Variants in CNTN5 observed in about 807,000 individuals in gnomAD.
CNTN5 encodes the protein contactin-5.
In CNTN5, 77 loss-of-function variants were observed where a neutral mutation model predicts 129.1. That is an observed-to-expected ratio of 0.60 (90% confidence interval 0.50 to 0.72). The LOEUF (loss-of-function observed/expected upper bound fraction) is 0.72. Ranked by LOEUF, CNTN5 falls within the 30% of genes least tolerant of loss-of-function variation. The probability of loss-of-function intolerance (pLI) is 0.00; values close to 1 mark genes in which losing one functional copy is unlikely to be tolerated. For missense variants in CNTN5, 1,478 were observed against 1,328.8 expected, an observed-to-expected ratio of 1.11 and a Z score of -1.75; for synonymous variants, 509 against 465.6, an observed-to-expected ratio of 1.09 and a Z score of -1.20.
chr11:99,033,327 G>A lies in CNTN5; in HGVS notation c.-210+12057G>A, dbSNP rs929440055. Among the ~76,000 whole-genome samples, 13 of 152,124 alleles carry A rather than the reference G, an allele frequency of 8.5e-5. No homozygotes were observed. The South Asian group carries it at 1.0e-3, about 12-fold the overall frequency. Reference sequence around the variant, plus strand: ...AAGAAAGTCATTGGTAGCTTGATGGGAGTGGCATTGAATCTGTAAATTACC... The same window carrying A: ...AAGAAAGTCATTGGTAGCTTGATGGAAGTGGCATTGAATCTGTAAATTACC... On this transcript the variant is annotated intron_variant, in intron 1 of 24. Coordinates refer to ENST00000524871, the MANE Select transcript of CNTN5 (RefSeq NM_014361.4).
chr11:99,206,627 C>T (rs1314948907), intron 1 of CNTN5, among the ~76,000 whole-genome samples: 1 of 151,160 alleles, frequency 6.6e-6, no homozygotes, highest in African/African-American at 2.4e-5. Flanking sequence ...CTTACTACTA[C>T]CTTAGCTGGA....
At chr11:99,424,183 A>G (rs950035688) in intron 2 of CNTN5, among the ~76,000 whole-genome samples, 1 of 152,238 alleles carries the variant, frequency 6.6e-6, no homozygotes, top group East Asian at 1.9e-4. Flanking sequence ...GGCAACATCA[A>G]TACTCTTGTA....
chr11:100,131,133 G>A (rs940681202), intron 13 of CNTN5, among the ~76,000 whole-genome samples: 2 of 151,994 alleles, frequency 1.3e-5, no homozygotes, highest in Middle Eastern at 3.2e-3. Flanking sequence ...CTTATTTACC[G>A]TTTAAGAGGT....
chr11:99,674,448 T>G (rs529491868), intron 3 of CNTN5, among the ~76,000 whole-genome samples: 1 of 152,288 alleles, frequency 6.6e-6, no homozygotes, highest in African/African-American at 2.4e-5. Context: ...AAGAAGCTCT[T>G]TGCTTTAGTT....
At chr11:99,520,256 A>G (rs1232566091) in intron 2 of CNTN5, among the ~76,000 whole-genome samples, 1 of 152,146 alleles carries the variant, frequency 6.6e-6, no homozygotes, top group Non-Finnish European at 1.5e-5. Context: ...AGCTTAGAAA[A>G]CATCTAACCT....
chr11:99,491,616 G>A (rs750753792), intron 2 of CNTN5, among the ~76,000 whole-genome samples: 14 of 152,000 alleles, frequency 9.2e-5, no homozygotes, highest in Non-Finnish European at 1.8e-4. Flanking sequence ...ATGATTCATC[G>A]AATATACATC....
chr11:99,459,257 A>T (rs1368467062), intron 2 of CNTN5, among the ~76,000 whole-genome samples: 3 of 151,958 alleles, frequency 2.0e-5, no homozygotes, highest in African/African-American at 7.2e-5. Context: ...GAAGGACATA[A>T]AATTGCCCAA....
At chr11:99,579,909 A>C (rs1035415857) in intron 3 of CNTN5, among the ~76,000 whole-genome samples, 10 of 149,772 alleles carry the variant, frequency 6.7e-5, no homozygotes, top group East Asian at 2.0e-4. Flanking sequence ...GTCTTGTGCC[A>C]GTTTTCAAAG....
chr11:99,874,922 C>T (rs1434937977), intron 6 of CNTN5, among the ~76,000 whole-genome samples: 1 of 152,086 alleles, frequency 6.6e-6, no homozygotes, highest in East Asian at 1.9e-4. Context: ...ATAGTCTGTG[C>T]CAGCTTCCTC....
chr11:99,441,542 A>G (rs1943828614), intron 2 of CNTN5, among the ~76,000 whole-genome samples: 9 of 152,174 alleles, frequency 5.9e-5, no homozygotes, highest in Admixed American at 5.9e-4. Flanking sequence ...TGAAACTGCA[A>G]AATTCTCAGC....
chr11:99,424,579 G>C (rs1488194313), intron 2 of CNTN5, among the ~76,000 whole-genome samples: 1 of 152,240 alleles, frequency 6.6e-6, no homozygotes, highest in Non-Finnish European at 1.5e-5. Context: ...GCTGCAGCTG[G>C]GCCAGACGTA....
intron 13 of CNTN5, among the ~76,000 whole-genome samples, chr11:100,161,872 C>CACAAAACAA (rs1191557675): frequency 2.4e-5 from 3 of 127,620 alleles, no homozygotes; most frequent in Non-Finnish European, 5.1e-5. Context: ...CACACACACA[C>CACAAAACAA]AAAACAAAAA....
intron 1 of CNTN5, among the ~76,000 whole-genome samples, chr11:99,247,227 G>C (rs959733768): frequency 2.4e-4 from 36 of 152,084 alleles, no homozygotes; most frequent in Admixed American, 1.0e-3. Flanking sequence ...TAGAAATTAA[G>C]ATACACATTT....
intron 2 of CNTN5, among the ~76,000 whole-genome samples, chr11:99,352,277 A>T (rs542131357): frequency 3.3e-4 from 50 of 152,332 alleles, no homozygotes; most frequent in African/African-American, 1.2e-3. Context: ...ACTAAATGTT[A>T]TCTATTTAGG....
intron 6 of CNTN5, among the ~76,000 whole-genome samples, chr11:99,889,964 G>T (rs939277276): frequency 6.6e-6 from 1 of 151,968 alleles, no homozygotes; most frequent in East Asian, 1.9e-4. Context: ...TCTTCACCTC[G>T]ATAAGATCAC....
intron 1 of CNTN5, among the ~76,000 whole-genome samples, chr11:99,265,020 C>A (rs1432506772): frequency 6.6e-6 from 1 of 151,736 alleles, no homozygotes; most frequent in East Asian, 1.9e-4. Context: ...AGCACAATCT[C>A]CCTGTTAAAT....
intron 3 of CNTN5, 48 bp from the exon 4 acceptor site, chr11:99,819,496 A>C: frequency 6.7e-7 from 1 of 1,497,382 alleles, no homozygotes; most frequent in South Asian, 1.2e-5. Flanking sequence ...GAAAAAAATA[A>C]ACTAGTTTCC....
chr11:99,530,068 C>T (rs112966690), intron 2 of CNTN5, among the ~76,000 whole-genome samples: 1 of 152,074 alleles, frequency 6.6e-6, no homozygotes, highest in Admixed American at 6.5e-5. Flanking sequence ...TTAGTCTTTA[C>T]AACTTTGCAA....
chr11:99,978,382 T>C (rs1218281608), intron 8 of CNTN5, among the ~76,000 whole-genome samples: 1 of 152,234 alleles, frequency 6.6e-6, no homozygotes, highest in African/African-American at 2.4e-5. Flanking sequence ...GTGCCGTGTT[T>C]ATAAAGTCAA....
Sources: gnomAD v4.1 joint callset for allele counts (sites outside exome capture counted in the v4.1 genomes callset) on GRCh38, gnomAD v4.1.1 for gene constraint, MANE v1.5 for transcripts, NCBI Gene and HGNC (gene_info 2026-07-23, HGNC 2026-07-21) for gene names.